Variants in TIMM23 observed in about 807,000 individuals in gnomAD.
The protein encoded by TIMM23 is mitochondrial import inner membrane translocase subunit Tim23.
A neutral mutation model predicts 30.7 loss-of-function variants in TIMM23; 19 were observed. The ratio of observed to expected loss-of-function variants is 0.62; its 90% CI spans 0.43 to 0.91. The LOEUF (loss-of-function observed/expected upper bound fraction) is 0.91, where lower values mean the gene tolerates loss of function less well. Ranked by LOEUF, TIMM23 falls within the 40% of genes least tolerant of loss-of-function variation. The probability of loss-of-function intolerance (pLI) is 0.00; values close to 1 mark genes in which losing one functional copy is unlikely to be tolerated. For missense variants in TIMM23, 202 were observed against 269.2 expected, an observed-to-expected ratio of 0.75 and a Z score of 1.75; for synonymous variants, 78 against 98.5, an observed-to-expected ratio of 0.79 and a Z score of 1.23.
At chr10:45,978,031 C>G (rs1329645809) in intron 2 of TIMM23, among the ~76,000 whole-genome samples, 16 of 147,340 alleles carry the variant, frequency 1.1e-4, no homozygotes, top group Non-Finnish European at 2.2e-4. Flanking sequence ...GACTCGGTCT[C>G]AAAAAAAAAA....
intron 6 of TIMM23, among the ~76,000 whole-genome samples, chr10:46,001,649 C>T (rs371643291): frequency 2.6e-5 from 4 of 152,142 alleles, no homozygotes; most frequent in East Asian, 1.9e-4. Flanking sequence ...CCCACAACTC[C>T]GCTCTACCTC....
At chr10:46,000,683 C>G (rs1249537688) in intron 6 of TIMM23, among the ~76,000 whole-genome samples, 1 of 152,212 alleles carries the variant, frequency 6.6e-6, no homozygotes, top group African/African-American at 2.4e-5. Context: ...ATGCACAAAG[C>G]AAAGAACCAG....
At position 45,996,835 on chromosome 10, in the gene TIMM23, G is replaced by A. The variant is rs1410106806; in HGVS notation, c.515-6368G>A. Among the ~76,000 whole-genome samples the A allele has an allele frequency of 2.0e-5, 3 of 151,710 alleles. No homozygotes were observed. The East Asian group carries it at 5.8e-4, about 29-fold the overall frequency. ...AAAAAATTAGCCGGGCTTGGTGGTG[G>A]GCACCTGTAGTCCCAATTACTGGGA... On this transcript the variant is annotated intron_variant, in intron 6 of 6. Coordinates refer to ENST00000580018, the MANE Select transcript of TIMM23 (RefSeq NM_006327.4).
chr10:45,979,989 G>A (rs1220242387), intron 2 of TIMM23, among the ~76,000 whole-genome samples: 2 of 151,660 alleles, frequency 1.3e-5, no homozygotes, highest in African/African-American at 4.8e-5. Context: ...ATTAAGGTTA[G>A]ACATAAAATA....
chr10:45,992,307 A>G, intron 6 of TIMM23: 3 of 449,332 alleles, frequency 6.7e-6, no homozygotes, highest in Non-Finnish European at 1.3e-5. Context: ...TCCTTTTAGG[A>G]GAGTTTTTTT....
Position 45,977,961 on chromosome 10 carries a change from G to A in TIMM23, c.165+2449G>A, listed in dbSNP as rs1312478411. On this transcript the variant is annotated intron_variant, in intron 2 of 6. Transcript: ENST00000580018. ...CAGGAGAATCACTTGAACCTGGGAG[G>A]CAGAGGTTGCGGTGAGCCAAGATCG... Among the ~76,000 whole-genome samples, 14 of 152,208 alleles carry A rather than the reference G, an allele frequency of 9.2e-5. No individual in the cohort carries two copies. In the East Asian group the frequency reaches 2.3e-3, roughly 25 times the overall value.
intron 6 of TIMM23, among the ~76,000 whole-genome samples, chr10:45,994,798 A>G (rs1199602302): frequency 1.3e-5 from 2 of 151,864 alleles, no homozygotes; most frequent in Non-Finnish European, 2.9e-5. Context: ...GAAATAGTTT[A>G]GATCAGCAGG....
chr10:45,989,551 A>C (rs1230007247), intron 6 of TIMM23, among the ~76,000 whole-genome samples: 2 of 152,162 alleles, frequency 1.3e-5, no homozygotes, highest in Non-Finnish European at 1.5e-5. Flanking sequence ...TAAGAATATA[A>C]GATTCTTTTC....
chr10:45,972,578 C>T lies in TIMM23; in HGVS notation c.-47C>T, dbSNP rs1352301394. On this transcript the variant is annotated 5_prime_UTR_variant, in exon 1 of 7. Coordinates refer to ENST00000580018, the MANE Select transcript of TIMM23 (RefSeq NM_006327.4). Reference sequence around the variant, plus strand: ...TGAGGAGTAACGGCCCAGCGGACCACCCAGGCTTGAGGCAGCGGCGGGAAC... The same window carrying T: ...TGAGGAGTAACGGCCCAGCGGACCATCCAGGCTTGAGGCAGCGGCGGGAAC... 5 of 1,600,982 alleles carry T rather than the reference C, an allele frequency of 3.1e-6. No homozygotes were observed. The East Asian group carries it at 9.0e-5, about 29-fold the overall frequency.
At chr10:46,002,997 G>T (rs1838597417) in intron 6 of TIMM23, among the ~76,000 whole-genome samples, 1 of 151,362 alleles carries the variant, frequency 6.6e-6, no homozygotes, top group African/African-American at 2.4e-5. Flanking sequence ...CAATTTTTTT[G>T]AATTTTTAAT....
At chr10:45,999,865 T>C (rs938867366) in intron 6 of TIMM23, among the ~76,000 whole-genome samples, 5 of 152,196 alleles carry the variant, frequency 3.3e-5, no homozygotes, top group Non-Finnish European at 5.9e-5. Flanking sequence ...GGGCCATCTA[T>C]AGACCTATAC....
chr10:45,999,235 G>A (rs1263551886), intron 6 of TIMM23, among the ~76,000 whole-genome samples: 2 of 152,026 alleles, frequency 1.3e-5, no homozygotes, highest in Non-Finnish European at 2.9e-5. Context: ...CCACCTCCTA[G>A]GCTCAAGCAA....
chr10:45,987,783 T>C (rs1337409093), intron 5 of TIMM23, among the ~76,000 whole-genome samples: 1 of 151,556 alleles, frequency 6.6e-6, no homozygotes, highest in African/African-American at 2.4e-5. Flanking sequence ...ACCAACTAAT[T>C]TTTTTTTAAA....
chr10:45,993,002 C>T lies in TIMM23; in HGVS notation c.514+4155C>T, dbSNP rs1554916091. Among the ~76,000 whole-genome samples, 616 of 152,268 alleles carry T rather than the reference C, an allele frequency of 4.0e-3. 4 individuals are homozygous for T. Among genetic ancestry groups the T allele is most frequent in the Middle Eastern group, 0.017 (5 of 294 alleles). ...TGCCGTTACCATTTCCTAGAACAATCCTTCCAGATACCTACCTCAAATGCT... is the reference window on the plus strand; with the variant it reads ...TGCCGTTACCATTTCCTAGAACAATTCTTCCAGATACCTACCTCAAATGCT... On this transcript the variant is annotated intron_variant, in intron 6 of 6. Transcript: ENST00000580018.
At position 45,982,621 on chromosome 10, in the gene TIMM23, G is replaced by A; in HGVS notation, c.259+5G>A. 1.2e-6 allele frequency: 2 copies of A among 1,613,804 alleles called. No individual in the cohort carries two copies. The highest frequency in any genetic ancestry group is 1.7e-6 in the Non-Finnish European group (2 of 1,179,848). The stretch of plus-strand genomic sequence containing the variant: ...TTGGAGGATGTTGCATGACAGGTGA[G>A]TGTTACATACTTTTTTCTCAAGAGT... On this transcript the variant is annotated splice_donor_5th_base_variant and intron_variant, in intron 3 of 6. Coordinates refer to ENST00000580018, the MANE Select transcript of TIMM23 (RefSeq NM_006327.4).
At position 45,994,999 on chromosome 10, in the gene TIMM23, TAG is replaced by T. The variant is rs1462072131; in HGVS notation, c.514+6155_514+6156del. 3.3e-5 allele frequency among the ~76,000 whole-genome samples: 5 copies of T among 151,952 alleles called. No individual in the cohort carries two copies. The East Asian group carries it at 7.7e-4, about 23-fold the overall frequency. ...TAATAAGACATTGATTTGCCTTTGTTAGAGTGATTTCAGTGTTTCGAGTTATT... is the reference window on the plus strand; with the variant it reads ...TAATAAGACATTGATTTGCCTTTGTTAGTGATTTCAGTGTTTCGAGTTATT... On this transcript the variant is annotated intron_variant, in intron 6 of 6. Coordinates refer to ENST00000580018, the MANE Select transcript of TIMM23 (RefSeq NM_006327.4).
Position 45,982,945 on chromosome 10 carries a change from A to G in TIMM23, c.344+15A>G. 1 of 1,613,874 alleles carries G rather than the reference A, an allele frequency of 6.2e-7. No homozygotes were observed. Among genetic ancestry groups the G allele is most frequent in the South Asian group, 1.1e-5 (1 of 91,070 alleles). On this transcript the variant is annotated intron_variant, in intron 4 of 6. Coordinates refer to ENST00000580018, the MANE Select transcript of TIMM23 (RefSeq NM_006327.4). ...AGAAATGTACAGTAAGTCTCTTGTA[A>G]CCATCTGATGTAGTGATACTTGAAT... is the stretch of plus-strand genomic sequence containing the variant.
intron 2 of TIMM23, among the ~76,000 whole-genome samples, chr10:45,978,834 A>G (rs1167479648): frequency 6.6e-6 from 1 of 152,204 alleles, no homozygotes; most frequent in Non-Finnish European, 1.5e-5. Flanking sequence ...TAAGTTGTAA[A>G]TGAATGTTGC....
chr10:45,982,757 A>G (rs1837884400), intron 3 of TIMM23, 89 bp from the exon 4 acceptor site: 4 of 1,582,664 alleles, frequency 2.5e-6, no homozygotes, highest in African/African-American at 1.4e-5. Flanking sequence ...TAAAAATGAA[A>G]AAGAATCAGA....
Sources: gnomAD v4.1 joint callset for allele counts (sites outside exome capture counted in the v4.1 genomes callset) on GRCh38, gnomAD v4.1.1 for gene constraint, MANE v1.5 for transcripts, NCBI Gene and HGNC (gene_info 2026-07-23, HGNC 2026-07-21) for gene names.